Variants in SLC9C1 observed in about 807,000 individuals in gnomAD.
The protein encoded by SLC9C1 is sodium/hydrogen exchanger 10.
In SLC9C1, 97 loss-of-function variants were observed where a neutral mutation model predicts 140.9. The observed-to-expected ratio is 0.69, with a 90% CI of 0.58 to 0.82. The LOEUF is 0.82. Among genes scored for constraint, SLC9C1 ranks in the 40% least tolerant of loss-of-function variants. The probability of loss-of-function intolerance (pLI) is 0.00; values close to 1 mark genes in which losing one functional copy is unlikely to be tolerated. For missense variants in SLC9C1, 1,340 were observed against 1,389.3 expected, an observed-to-expected ratio of 0.96 and a Z score of 0.56; for synonymous variants, 440 against 442.6, an observed-to-expected ratio of 0.99 and a Z score of 0.07.
rs547788540 is a variant in SLC9C1 at position 112,250,281 on chromosome 3, A to G, written c.1198-6205T>C. On this transcript the variant is annotated intron_variant, in intron 10 of 28. Transcript: ENST00000305815. ...GGCTGCATAGTATTCCATGGTGTATATGTGCCACATTTTCTTAATCCAGTC... is the reference window on the plus strand; with the variant it reads ...GGCTGCATAGTATTCCATGGTGTATGTGTGCCACATTTTCTTAATCCAGTC... Among the ~76,000 whole-genome samples the G allele has an allele frequency of 2.0e-4, 30 of 151,854 alleles. 1 individual carries two copies. In the East Asian group the frequency reaches 4.3e-3, roughly 22 times the overall value.
At chr3:112,236,537 T>C (rs1006832523) in intron 12 of SLC9C1, among the ~76,000 whole-genome samples, 2 of 152,224 alleles carry the variant, frequency 1.3e-5, no homozygotes, top group Non-Finnish European at 2.9e-5. Context: ...CTTTTGCTTC[T>C]CTAGTTCTTT....
At chr3:112,174,895 G>T (rs1576272687) in intron 23 of SLC9C1, among the ~76,000 whole-genome samples, 1 of 147,848 alleles carries the variant, frequency 6.8e-6, no homozygotes, top group Non-Finnish European at 1.5e-5. Flanking sequence ...GAAAAGTGAG[G>T]ATCTGGATCT....
chr3:112,188,680 G>C (rs1560044073), intron 20 of SLC9C1, among the ~76,000 whole-genome samples: 2 of 152,114 alleles, frequency 1.3e-5, no homozygotes, highest in Non-Finnish European at 2.9e-5. Context: ...ATTGTGAATA[G>C]TGTTGCAATG....
At chr3:112,198,772 G>C (rs2077829238) in intron 20 of SLC9C1, among the ~76,000 whole-genome samples, 1 of 151,354 alleles carries the variant, frequency 6.6e-6, no homozygotes, top group Non-Finnish European at 1.5e-5. Context: ...CTACTATTAT[G>C]CTAAGAAATT....
chr3:112,252,486 T>C (rs7624367), intron 10 of SLC9C1, among the ~76,000 whole-genome samples: 89,889 of 151,906 alleles, frequency 0.59, 27,113 homozygotes, highest in East Asian at 0.79. Context: ...ACTGGAGGTT[T>C]AAGCAGACCC....
chr3:112,200,625 G>T, intron 19 of SLC9C1, 86 bp downstream of exon 19: 1 of 1,240,242 alleles, frequency 8.1e-7, no homozygotes, highest in Non-Finnish European at 1.2e-6. Flanking sequence ...TTTCCTCAAA[G>T]ATTAGCTCGA....
At chr3:112,151,749 G>C in intron 28 of SLC9C1, 108 bp downstream of exon 28, 1 of 789,508 alleles carries the variant, frequency 1.3e-6, no homozygotes. Flanking sequence ...CTAGTGGAAA[G>C]AGCTATAATT....
At chr3:112,170,369 G>C (rs1351081488) in intron 23 of SLC9C1, among the ~76,000 whole-genome samples, 1 of 152,140 alleles carries the variant, frequency 6.6e-6, no homozygotes, top group African/African-American at 2.4e-5. Context: ...GCATTTTTCT[G>C]ATGATTAATG....
At chr3:112,211,311 C>T (rs562928483) in intron 15 of SLC9C1, among the ~76,000 whole-genome samples, 16 of 152,342 alleles carry the variant, frequency 1.1e-4, no homozygotes, top group African/African-American at 3.8e-4. Flanking sequence ...TTCTGCATTT[C>T]CAGCTGAGGT....
At chr3:112,189,157 A>C (rs1027645942) in intron 20 of SLC9C1, among the ~76,000 whole-genome samples, 16 of 152,184 alleles carry the variant, frequency 1.1e-4, no homozygotes, top group African/African-American at 3.9e-4. Flanking sequence ...AGATTGCAAA[A>C]ATTTTCTCCC....
intron 20 of SLC9C1, among the ~76,000 whole-genome samples, chr3:112,193,067 T>A (rs2077696729): frequency 6.6e-6 from 1 of 152,236 alleles, no homozygotes; most frequent in Admixed American, 6.5e-5. Flanking sequence ...TGCAGTAGTG[T>A]AGTCTCCATG....
chr3:112,286,988 A>C, intron 1 of SLC9C1, 110 bp from the exon 2 acceptor site: 1 of 457,468 alleles, frequency 2.2e-6, no homozygotes, highest in Middle Eastern at 5.8e-4. Flanking sequence ...TGGTCTGCCA[A>C]ATTTAGGGAT....
intron 28 of SLC9C1, among the ~76,000 whole-genome samples, chr3:112,144,220 CG>C (rs1397683636): frequency 4.1e-5 from 6 of 145,228 alleles, no homozygotes; most frequent in Admixed American, 2.1e-4. Context: ...CACTGTCGCC[CG>C]GGCTGGAGTG....
rs1200927232 is a variant in SLC9C1 at position 112,167,286 on chromosome 3, G to A, written c.3299C>T (p.Thr1100Ile). 6.2e-7 allele frequency: 1 copy of A among 1,608,490 alleles called. No homozygotes were observed. The highest frequency in any genetic ancestry group is 8.5e-7 in the Non-Finnish European group (1 of 1,177,654). The change falls in exon 26 of 29, where the codon ACA (threonine) becomes ATA (isoleucine). Residue 1100 changes from threonine to isoleucine, a missense_variant. Transcript: ENST00000305815. ...AAACTTTCTAATATTCCTTCTGAATGTTTTCATGTTAATCGGAGTTTGAAT... is the reference window on the plus strand; with the variant it reads ...AAACTTTCTAATATTCCTTCTGAATATTTTCATGTTAATCGGAGTTTGAAT... ...VIIQTPINMK[T>I]FRRNIRKFVP... is the part of the protein sequence containing the mutation.
At chr3:112,273,523 G>A (rs901876777) in intron 6 of SLC9C1, among the ~76,000 whole-genome samples, 1 of 152,118 alleles carries the variant, frequency 6.6e-6, no homozygotes, top group Non-Finnish European at 1.5e-5. Flanking sequence ...ATGCCCAAGT[G>A]GGGTAACTGT....
Position 112,263,067 on chromosome 3 carries a change from A to G in SLC9C1, c.1054T>C (p.Leu352=), listed in dbSNP as rs375619477. The part of the protein sequence containing the change: ...FLTLLLISPV[L]SRVGHEFSWR... ...CTGAACTCATGACCAACTCGAGACAAAACAGGGCTTATTAAAAGAAGGGTC... is the reference window on the plus strand; with the variant it reads ...CTGAACTCATGACCAACTCGAGACAGAACAGGGCTTATTAAAAGAAGGGTC... The change falls in exon 10 of 29, where the codon TTG becomes CTG. Residue 352 remains leucine, a synonymous_variant. Coordinates refer to ENST00000305815, the MANE Select transcript of SLC9C1 (RefSeq NM_183061.3). 14 of 1,582,838 alleles carry G rather than the reference A, an allele frequency of 8.8e-6. No individual in the cohort carries two copies. The highest frequency in any genetic ancestry group is 1.1e-5 in the Non-Finnish European group (13 of 1,169,666).
chr3:112,164,201 A>C (rs1276477338), intron 26 of SLC9C1, among the ~76,000 whole-genome samples: 2 of 151,642 alleles, frequency 1.3e-5, no homozygotes, highest in East Asian at 3.9e-4. Flanking sequence ...AATACAGCAC[A>C]CTGATGGGTC....
At chr3:112,237,996 G>T (rs2079037961) in intron 12 of SLC9C1, among the ~76,000 whole-genome samples, 1 of 152,140 alleles carries the variant, frequency 6.6e-6, no homozygotes, top group Non-Finnish European at 1.5e-5. Flanking sequence ...GAATTTGAAT[G>T]TTGGCCTGCC....
At chr3:112,143,252 T>C (rs2074684962) in intron 28 of SLC9C1, among the ~76,000 whole-genome samples, 1 of 151,818 alleles carries the variant, frequency 6.6e-6, no homozygotes, top group African/African-American at 2.4e-5. Flanking sequence ...TATATATATA[T>C]CTCCAGTAAT....
Sources: allele counts gnomAD v4.1 joint callset (sites outside exome capture counted in the v4.1 genomes callset), GRCh38; gene constraint gnomAD v4.1.1; transcripts MANE v1.5; gene names NCBI Gene and HGNC (gene_info 2026-07-23, HGNC 2026-07-21).